Variants in SLC44A5 observed in about 807,000 individuals in gnomAD.
SLC44A5 encodes choline transporter-like protein 5.
A neutral mutation model predicts 101.8 loss-of-function variants in SLC44A5; 57 were observed. The ratio of observed to expected loss-of-function variants is 0.56; its 90% CI spans 0.45 to 0.70. SLC44A5 has a LOEUF of 0.70. SLC44A5 is among the 30% of genes least tolerant of loss of function. SLC44A5 has a pLI of 0.00. For synonymous variants in SLC44A5, 281 were observed against 290.9 expected (o/e 0.97, Z 0.35); for missense variants, 737 against 853.1 (o/e 0.86, Z 1.70).
chr1:75,607,190 C>A (rs2102171478), intron 1 of SLC44A5, among the ~76,000 whole-genome samples: 1 of 152,192 alleles, frequency 6.6e-6, no homozygotes, highest in South Asian at 2.1e-4. Flanking sequence ...CTTCTACAAT[C>A]TTCAAATAGT....
chr1:75,273,892 G>A (rs759235673), intron 6 of SLC44A5, among the ~76,000 whole-genome samples: 6 of 152,062 alleles, frequency 3.9e-5, no homozygotes, highest in Non-Finnish European at 8.8e-5. Context: ...GGGCTTCCTA[G>A]AATGATATAG....
At chr1:75,368,740 T>C (rs936236022) in intron 3 of SLC44A5, among the ~76,000 whole-genome samples, 6 of 152,016 alleles carry the variant, frequency 3.9e-5, no homozygotes, top group Admixed American at 3.3e-4. Context: ...TCCTAAGAAA[T>C]GTCTATTATT....
rs551494799 is a variant in SLC44A5 at position 75,410,890 on chromosome 1, CA to C, written c.14-14270del. On this transcript the variant is annotated intron_variant, in intron 2 of 23. Transcript: ENST00000370859. The stretch of plus-strand genomic sequence containing the variant: ...TGCTAACGGTGTGACACTAAGGCCA[CA>C]AAGAAATAGTGAGACCCTGTCTCTG... Among the ~76,000 whole-genome samples, 53 of 152,208 alleles carry C rather than the reference CA, an allele frequency of 3.5e-4. 2 individuals are homozygous for C. The East Asian group carries it at 0.01, about 29-fold the overall frequency.
At chr1:75,599,133 T>A (rs1393009016) in intron 1 of SLC44A5, among the ~76,000 whole-genome samples, 1 of 143,228 alleles carries the variant, frequency 7.0e-6, no homozygotes, top group Non-Finnish European at 1.5e-5. Context: ...TTAGTATCTG[T>A]GATATGTCCA....
At position 75,247,753 on chromosome 1, in the gene SLC44A5, G is replaced by A. The variant is rs1649233431; in HGVS notation, c.345+3457C>T. Among the ~76,000 whole-genome samples, 3 of 152,142 alleles carry A rather than the reference G, an allele frequency of 2.0e-5. No individual in the cohort carries two copies. In the South Asian group the frequency reaches 6.2e-4, roughly 32 times the overall value. Reference sequence around the variant, plus strand: ...AAGGAGGTGGGATTGATTAAATACTGTTGTTAGATCAAGTAAATGTGGATT... The same window carrying A: ...AAGGAGGTGGGATTGATTAAATACTATTGTTAGATCAAGTAAATGTGGATT... On this transcript the variant is annotated intron_variant, in intron 7 of 23. Coordinates refer to ENST00000370859, the MANE Select transcript of SLC44A5 (RefSeq NM_001130058.2).
chr1:75,466,590 A>AG, intron 2 of SLC44A5, among the ~76,000 whole-genome samples: 1 of 138,098 alleles, frequency 7.2e-6, no homozygotes. Flanking sequence ...TGGAAGGTGG[A>AG]GGTGGCAGTG....
At chr1:75,463,419 C>CAAAAAAA (rs34371845) in intron 2 of SLC44A5, among the ~76,000 whole-genome samples, 2 of 70,006 alleles carry the variant, frequency 2.9e-5, no homozygotes, top group Admixed American at 2.2e-4. Context: ...GACTCTGTCT[C>CAAAAAAA]AAAAAAAAAA....
intron 2 of SLC44A5, among the ~76,000 whole-genome samples, chr1:75,426,229 G>A (rs1055718011): frequency 1.3e-5 from 2 of 152,196 alleles, no homozygotes; most frequent in Non-Finnish European, 2.9e-5. Context: ...AAGCCAAACC[G>A]TAGCAGGATT....
At chr1:75,266,933 G>C (rs566553081) in intron 6 of SLC44A5, among the ~76,000 whole-genome samples, 8 of 152,186 alleles carry the variant, frequency 5.3e-5, no homozygotes, top group African/African-American at 1.9e-4. Flanking sequence ...CTAGGAAGAG[G>C]AATGGTGACG....
At chr1:75,256,468 T>C (rs988225397) in intron 6 of SLC44A5, among the ~76,000 whole-genome samples, 3 of 152,166 alleles carry the variant, frequency 2.0e-5, no homozygotes, top group African/African-American at 7.2e-5. Flanking sequence ...GTGTGAGATT[T>C]GGCTTTGATA....
intron 2 of SLC44A5, among the ~76,000 whole-genome samples, chr1:75,478,911 T>C (rs1158041651): frequency 6.6e-6 from 1 of 152,178 alleles, no homozygotes; most frequent in Non-Finnish European, 1.5e-5. Context: ...CTAATAGACA[T>C]CTACAGAACT....
At position 75,474,628 on chromosome 1, in the gene SLC44A5, G is replaced by A. The variant is rs535028135; in HGVS notation, c.13+66807C>T. Among the ~76,000 whole-genome samples the A allele has an allele frequency of 2.0e-3, 308 of 152,296 alleles. 2 individuals are homozygous for A. The highest frequency in any genetic ancestry group is 0.019 in the South Asian group (91 of 4,826). ...TTGTTATTGCCAATTAGTAGTCCAA[G>A]TTAATTGGAAGTTTTCTTTGTGGGG... On this transcript the variant is annotated intron_variant, in intron 2 of 23. Transcript: ENST00000370859.
At chr1:75,272,864 T>C (rs1317310129) in intron 6 of SLC44A5, among the ~76,000 whole-genome samples, 1 of 152,180 alleles carries the variant, frequency 6.6e-6, no homozygotes, top group East Asian at 1.9e-4. Flanking sequence ...GCTTTGGCTA[T>C]GTGGGCTCTT....
chr1:75,273,419 T>C (rs565430422), intron 6 of SLC44A5, among the ~76,000 whole-genome samples: 8 of 152,262 alleles, frequency 5.3e-5, no homozygotes, highest in African/African-American at 1.7e-4. Flanking sequence ...CTATGTTGAA[T>C]AGAAGTGTTG....
chr1:75,466,322 A>G (rs1666812288), intron 2 of SLC44A5, among the ~76,000 whole-genome samples: 1 of 152,210 alleles, frequency 6.6e-6, no homozygotes. Flanking sequence ...GATAAATTTC[A>G]ACATCCTTCA....
the SLC44A5 span, among the ~76,000 whole-genome samples, chr1:75,623,946 C>A: frequency 6.6e-6 from 1 of 152,086 alleles, no homozygotes; most frequent in Admixed American, 6.6e-5. Context: ...AGATGACACC[C>A]ACATCTTGGT....
the SLC44A5 span, among the ~76,000 whole-genome samples, chr1:75,697,170 A>G: frequency 6.6e-6 from 1 of 152,300 alleles, no homozygotes; most frequent in South Asian, 2.1e-4. Context: ...GTACTTTGGG[A>G]GGCTGAGTAA....
intron 3 of SLC44A5, among the ~76,000 whole-genome samples, chr1:75,365,599 G>A (rs1229401686): frequency 4.6e-5 from 7 of 152,014 alleles, no homozygotes; most frequent in East Asian, 1.9e-4. Flanking sequence ...TATGTTCATC[G>A]CAGCACTATT....
intron 1 of SLC44A5, among the ~76,000 whole-genome samples, chr1:75,601,434 A>G (rs1033709694): frequency 1.3e-5 from 2 of 151,040 alleles, no homozygotes; most frequent in Non-Finnish European, 2.9e-5. Flanking sequence ...CCTAATGTAA[A>G]TGACGGGTTG....
Sources: gnomAD v4.1 joint callset for allele counts (sites outside exome capture counted in the v4.1 genomes callset) on GRCh38, gnomAD v4.1.1 for gene constraint, MANE v1.5 for transcripts, NCBI Gene and HGNC (gene_info 2026-07-23, HGNC 2026-07-21) for gene names.